CNTNAP2: variants seen among roughly 807,000 people sequenced by gnomAD.
CNTNAP2 encodes the protein contactin-associated protein-like 2.
A neutral mutation model predicts 155.2 loss-of-function variants in CNTNAP2; 98 were observed. The observed-to-expected ratio is 0.63, with a 90% confidence interval of 0.54 to 0.75. The LOEUF (loss-of-function observed/expected upper bound fraction) is 0.75, where lower values mean the gene tolerates loss of function less well. CNTNAP2 is among the 30% of genes least tolerant of loss of function. The pLI, the probability that CNTNAP2 is intolerant of heterozygous loss-of-function variation, is 0.00. For synonymous variants in CNTNAP2, 651 were observed against 631.2 expected, an observed-to-expected ratio of 1.03 and a Z score of -0.47; for missense variants, 1,727 against 1,688.1, an observed-to-expected ratio of 1.02 and a Z score of -0.40.
chr7:146,699,858 C>T (rs1800845797), intron 1 of CNTNAP2, among the ~76,000 whole-genome samples: 1 of 152,070 alleles, frequency 6.6e-6, no homozygotes, highest in South Asian at 2.1e-4. Flanking sequence ...ATTTCAGCGA[C>T]TCGGAAGGCT....
At chr7:147,508,263 C>T (rs12113336) in intron 11 of CNTNAP2, among the ~76,000 whole-genome samples, 4,413 of 152,152 alleles carry the variant, frequency 0.029, 200 homozygotes, top group African/African-American at 0.1. Flanking sequence ...TTCTTTCTGC[C>T]CCCTGTCCCC....
chr7:146,598,472 T>C (rs1445889087), intron 1 of CNTNAP2, among the ~76,000 whole-genome samples: 3 of 152,122 alleles, frequency 2.0e-5, no homozygotes, highest in Non-Finnish European at 4.4e-5. Flanking sequence ...CACCTCAAGT[T>C]TAGCTTTTGT....
Position 148,037,134 on chromosome 7 carries a change from C to A in CNTNAP2, c.2383+59145C>A, listed in dbSNP as rs2527061. Among the ~76,000 whole-genome samples the A allele has an allele frequency of 4.0e-5, 6 of 151,840 alleles. No homozygotes were observed. In the East Asian group the frequency reaches 1.2e-3, roughly 30 times the overall value. ...TCAGAATCCAGTATTGCCCACTGAT[C>A]AATATTTTCAAAGATAGATGGCATA... On this transcript the variant is annotated intron_variant, in intron 15 of 23. Transcript: ENST00000361727.
chr7:148,051,416 GTTTT>G (rs112520560), intron 15 of CNTNAP2, among the ~76,000 whole-genome samples: 1 of 145,466 alleles, frequency 6.9e-6, no homozygotes, highest in African/African-American at 2.5e-5. Flanking sequence ...TTTCTTTTCT[GTTTT>G]TTTTTTTAAG....
intron 1 of CNTNAP2, among the ~76,000 whole-genome samples, chr7:146,237,219 A>G (rs1308385469): frequency 6.6e-6 from 1 of 152,154 alleles, no homozygotes; most frequent in South Asian, 2.1e-4. Flanking sequence ...GGAACCCGGC[A>G]AAGATTTCTG....
chr7:147,658,402 A>G (rs1795561088), intron 13 of CNTNAP2, among the ~76,000 whole-genome samples: 1 of 152,226 alleles, frequency 6.6e-6, no homozygotes, highest in Non-Finnish European at 1.5e-5. Context: ...TGAAATCCAT[A>G]ATCAAAATGC....
intron 1 of CNTNAP2, among the ~76,000 whole-genome samples, chr7:146,219,306 C>G (rs920349718): frequency 1.3e-5 from 2 of 152,082 alleles, no homozygotes; most frequent in African/African-American, 2.4e-5. Flanking sequence ...ATACACATGC[C>G]TTCATCTCTG....
At chr7:147,936,052 G>GA (rs1800601382) in intron 14 of CNTNAP2, among the ~76,000 whole-genome samples, 3 of 151,542 alleles carry the variant, frequency 2.0e-5, no homozygotes, top group African/African-American at 7.3e-5. Flanking sequence ...TGGATGATAA[G>GA]AAAAAAAAGC....
At chr7:147,565,937 C>A (rs11768141) in intron 12 of CNTNAP2, among the ~76,000 whole-genome samples, 67,703 of 151,172 alleles carry the variant, frequency 0.45, 15,345 homozygotes, top group East Asian at 0.61. Flanking sequence ...TTGATAATAT[C>A]ATTTGGGGGT....
intron 10 of CNTNAP2, among the ~76,000 whole-genome samples, chr7:147,421,585 C>CTGTGTGTGTGTG (rs55983110): frequency 0.013 from 1,915 of 143,530 alleles, 29 homozygotes; most frequent in South Asian, 0.028. Flanking sequence ...TCTATCTAAT[C>CTGTGTGTGTGTG]TGTGTGTGTG....
At chr7:147,363,529 T>A (rs188849530) in intron 9 of CNTNAP2, among the ~76,000 whole-genome samples, 1 of 152,314 alleles carries the variant, frequency 6.6e-6, no homozygotes, top group African/African-American at 2.4e-5. Flanking sequence ...CTTGTACACA[T>A]TCTTTTTTAA....
At chr7:146,318,345 A>G (rs1218553675) in intron 1 of CNTNAP2, among the ~76,000 whole-genome samples, 1 of 152,070 alleles carries the variant, frequency 6.6e-6, no homozygotes, top group Non-Finnish European at 1.5e-5. Flanking sequence ...TCTTAAAACA[A>G]TCTTATCATT....
chr7:147,007,450 A>G (rs962185725), intron 3 of CNTNAP2, among the ~76,000 whole-genome samples: 1 of 152,112 alleles, frequency 6.6e-6, no homozygotes, highest in African/African-American at 2.4e-5. Flanking sequence ...CTTCATACAA[A>G]TAAATGCAGT....
chr7:146,355,693 C>T (rs951914781), intron 1 of CNTNAP2, among the ~76,000 whole-genome samples: 8 of 152,120 alleles, frequency 5.3e-5, no homozygotes, highest in Admixed American at 3.9e-4. Flanking sequence ...TCTACATAGT[C>T]CACAATACTT....
chr7:147,791,306 T>C (rs1329505343), intron 13 of CNTNAP2, among the ~76,000 whole-genome samples: 1 of 152,182 alleles, frequency 6.6e-6, no homozygotes, highest in Non-Finnish European at 1.5e-5. Context: ...TCCATTGTCC[T>C]ATAATATCTT....
chr7:148,173,543 C>A (rs866535905), intron 18 of CNTNAP2, among the ~76,000 whole-genome samples: 1 of 152,186 alleles, frequency 6.6e-6, no homozygotes, highest in African/African-American at 2.4e-5. Context: ...TGTTTGGCAG[C>A]GCTATAATAT....
intron 3 of CNTNAP2, among the ~76,000 whole-genome samples, chr7:146,844,846 T>C (rs1260731906): frequency 6.6e-6 from 1 of 152,192 alleles, no homozygotes; most frequent in African/African-American, 2.4e-5. Flanking sequence ...ACAGTTTTGA[T>C]CCATTTTGTT....
At position 147,485,968 on chromosome 7, in the gene CNTNAP2, G is replaced by A; in HGVS notation, c.1704G>A (p.Lys568=). 6.2e-7 allele frequency: 1 copy of A among 1,614,102 alleles called. No homozygotes were observed. Among genetic ancestry groups the A allele is most frequent in the Non-Finnish European group, 8.5e-7 (1 of 1,179,984 alleles). The change falls in exon 11 of 24, where the codon AAG becomes AAA. Residue 568 remains lysine (K), a synonymous_variant. Transcript: ENST00000361727. ...CVPNHCEHGG[K]CSQTWDSFKC... ...CCAATCACTGTGAGCATGGTGGAAA[G>A]TGCTCGCAAACATGGGACAGCTTCA...
rs36112535 is a variant in CNTNAP2, at chr7:147,931,207, TA to T, written c.2255+27496del. On this transcript the variant is annotated intron_variant, in intron 14 of 23. Coordinates refer to ENST00000361727, the MANE Select transcript of CNTNAP2 (RefSeq NM_014141.6). ...TAGATTAGAGCAGAAATAAACAGAG[TA>T]AAAAAAAAATAGAAAAACTTGAAGA... 6.2e-4 allele frequency among the ~76,000 whole-genome samples: 77 copies of T among 124,690 alleles called. 1 individual carries two copies. The highest frequency in any genetic ancestry group is 9.8e-4 in the African/African-American group (37 of 37,638). 81.8% of individuals were successfully genotyped at this position (124,690 alleles called of 152,430 possible). A position where few individuals can be genotyped will look rare whatever the true frequency, so the allele number is the denominator to read the frequency against.
Sources: gnomAD v4.1 joint callset for allele counts (sites outside exome capture counted in the v4.1 genomes callset) on GRCh38, gnomAD v4.1.1 for gene constraint, MANE v1.5 for transcripts, NCBI Gene and HGNC (gene_info 2026-07-23, HGNC 2026-07-21) for gene names.